KATNIP: variants seen among roughly 807,000 people sequenced by gnomAD.
The protein encoded by KATNIP is katanin interacting protein, also known as katanin-interacting protein.
Under a neutral mutation model 174.0 loss-of-function variants are expected in KATNIP, and 126 were observed. The ratio of observed to expected loss-of-function variants is 0.72; its 90% CI spans 0.63 to 0.84. The LOEUF (loss-of-function observed/expected upper bound fraction) is 0.84. Among genes scored for constraint, KATNIP ranks in the 40% least tolerant of loss-of-function variants. The probability of loss-of-function intolerance (pLI) is 0.00; values close to 1 mark genes in which losing one functional copy is unlikely to be tolerated. For synonymous variants in KATNIP, 810 were observed against 835.7 expected (o/e 0.97, Z 0.53); for missense variants, 1,958 against 2,109.7 (o/e 0.93, Z 1.41).
At chr16:27,707,168 G>A (rs1360721712) in intron 12 of KATNIP, among the ~76,000 whole-genome samples, 1 of 152,144 alleles carries the variant, frequency 6.6e-6, no homozygotes, top group Non-Finnish European at 1.5e-5. Flanking sequence ...AAATAAGTGG[G>A]GAACAGTTGC....
intron 16 of KATNIP, among the ~76,000 whole-genome samples, chr16:27,750,687 C>T (rs2081478041): frequency 1.3e-5 from 2 of 149,762 alleles, no homozygotes; most frequent in African/African-American, 4.9e-5. Context: ...CCGTCTCGGC[C>T]TCCCAAAGTG....
intron 18 of KATNIP, among the ~76,000 whole-genome samples, chr16:27,758,330 A>G (rs2081814058): frequency 1.3e-5 from 2 of 152,108 alleles, no homozygotes; most frequent in Non-Finnish European, 1.5e-5. Context: ...TATCCAGACC[A>G]TTGAGAATCC....
chr16:27,734,119 T>C (rs140829406), intron 14 of KATNIP, among the ~76,000 whole-genome samples: 19 of 151,810 alleles, frequency 1.3e-4, no homozygotes, highest in African/African-American at 4.3e-4. Context: ...GTTTCCCTCT[T>C]TTGCCCAGGC....
At chr16:27,574,987 C>G (rs1017699068) in intron 2 of KATNIP, among the ~76,000 whole-genome samples, 1 of 152,222 alleles carries the variant, frequency 6.6e-6, no homozygotes, top group Admixed American at 6.5e-5. Flanking sequence ...CTCCCCGCCT[C>G]TGAGCCCACC....
At chr16:27,713,810 A>ACATATATGTGTGTGTGTGTGTGTGTGTG (rs1567336792) in intron 13 of KATNIP, among the ~76,000 whole-genome samples, 1 of 5,690 alleles carries the variant, frequency 1.8e-4, no homozygotes, top group African/African-American at 5.1e-4. Context: ...GTGTATATAC[A>ACATATATGTGTGTGTGTGTGTGTGTGTG]TATATATATA....
At chr16:27,628,624 AATG>A in intron 3 of KATNIP, 34 bp from the exon 4 acceptor site, 2 of 1,608,208 alleles carry the variant, frequency 1.2e-6, no homozygotes, top group Non-Finnish European at 1.7e-6. Flanking sequence ...CAGACTCTCA[AATG>A]ATGAGGAGGA....
At chr16:27,702,935 G>A (rs1217471741) in intron 11 of KATNIP, among the ~76,000 whole-genome samples, 1 of 152,210 alleles carries the variant, frequency 6.6e-6, no homozygotes, top group Non-Finnish European at 1.5e-5. Flanking sequence ...CGGAGGCCCA[G>A]GTGGGCAAAT....
chr16:27,589,879 G>A (rs1261789350), intron 2 of KATNIP, among the ~76,000 whole-genome samples: 3 of 151,914 alleles, frequency 2.0e-5, no homozygotes, highest in African/African-American at 7.3e-5. Flanking sequence ...TGCAACCTTT[G>A]CCTCCCTCCT....
intron 8 of KATNIP, among the ~76,000 whole-genome samples, chr16:27,690,026 G>A (rs1289247634): frequency 6.6e-6 from 1 of 152,148 alleles, no homozygotes; most frequent in Non-Finnish European, 1.5e-5. Flanking sequence ...GGCAGGGCCG[G>A]CTGCAGTGCC....
chr16:27,749,820 G>C lies in KATNIP; in HGVS notation c.2860G>C (p.Asp954His), dbSNP rs1177583262. ...GCAGCCAGGGCTGTCGAGAGGGCAG[G>C]ATGGCTACTCTGGAGAGACAGACGC... ...GEQPGLSRGQ[D>H]GYSGETDAGG... The change falls in exon 16 of 28, where the codon GAT becomes CAT. Residue 954 changes from aspartate (D) to histidine (H), a missense_variant. Physicochemically the swap from Asp to His is moderately conservative, Grantham distance 81. Transcript: ENST00000261588. 4 of 1,613,694 alleles carry C rather than the reference G, an allele frequency of 2.5e-6. No individual in the cohort carries two copies. The South Asian group carries it at 3.3e-5, about 13-fold the overall frequency.
At chr16:27,684,119 G>A (rs2078440748) in intron 8 of KATNIP, among the ~76,000 whole-genome samples, 1 of 152,130 alleles carries the variant, frequency 6.6e-6, no homozygotes, top group African/African-American at 2.4e-5. Flanking sequence ...ACAAAGCACT[G>A]AACTAGCTCC....
intron 18 of KATNIP, among the ~76,000 whole-genome samples, chr16:27,759,076 C>A (rs2081848218): frequency 6.6e-6 from 1 of 152,184 alleles, no homozygotes; most frequent in Non-Finnish European, 1.5e-5. Context: ...TACTGAAGCC[C>A]TACTTGTTAA....
intron 6 of KATNIP, among the ~76,000 whole-genome samples, chr16:27,657,208 G>C (rs2077325546): frequency 1.3e-5 from 2 of 152,112 alleles, no homozygotes; most frequent in Admixed American, 1.3e-4. Context: ...TCAGGATCAA[G>C]AATATGTGTG....
chr16:27,703,576 T>G (rs2079184287), intron 11 of KATNIP, among the ~76,000 whole-genome samples: 1 of 152,222 alleles, frequency 6.6e-6, no homozygotes, highest in Non-Finnish European at 1.5e-5. Context: ...CAAAAACAGG[T>G]CACGGGCTGG....
rs537188078 is a variant in KATNIP, at chr16:27,627,603, G to A, written c.141-1058G>A. Reference sequence around the variant, plus strand: ...CCAAATTCTCTAATTCAGAATTCACGGTGACTTTCTAGACCGCTCGTACTG... The same window carrying A: ...CCAAATTCTCTAATTCAGAATTCACAGTGACTTTCTAGACCGCTCGTACTG... On this transcript the variant is annotated intron_variant, in intron 3 of 27. Transcript: ENST00000261588. Among the ~76,000 whole-genome samples the A allele has an allele frequency of 5.9e-5, 9 of 152,330 alleles. No individual in the cohort carries two copies. In the East Asian group the frequency reaches 9.6e-4, roughly 16 times the overall value.
chr16:27,744,033 C>T (rs2081197497), intron 15 of KATNIP, among the ~76,000 whole-genome samples: 1 of 152,174 alleles, frequency 6.6e-6, no homozygotes, highest in African/African-American at 2.4e-5. Context: ...AAGAACCAAG[C>T]CCCTGAGATT....
At chr16:27,563,706 A>G (rs1034830812) in intron 1 of KATNIP, among the ~76,000 whole-genome samples, 2 of 151,994 alleles carry the variant, frequency 1.3e-5, no homozygotes, top group South Asian at 2.1e-4. Flanking sequence ...TATGGCTGCC[A>G]TAGGAAAATC....
At chr16:27,771,872 C>A (rs1486439537) in intron 22 of KATNIP, among the ~76,000 whole-genome samples, 2 of 152,160 alleles carry the variant, frequency 1.3e-5, no homozygotes, top group African/African-American at 4.8e-5. Context: ...CTGGAGGGGG[C>A]AGCACCCAGG....
chr16:27,730,959 G>GCTTC (rs1399862595), intron 14 of KATNIP, among the ~76,000 whole-genome samples: 1 of 152,176 alleles, frequency 6.6e-6, no homozygotes, highest in African/African-American at 2.4e-5. Context: ...AATGCTCCCT[G>GCTTC]CTTCCTCTGG....
Sources: allele counts gnomAD v4.1 joint callset (sites outside exome capture counted in the v4.1 genomes callset), GRCh38; gene constraint gnomAD v4.1.1; transcripts MANE v1.5; gene names NCBI Gene and HGNC (gene_info 2026-07-23, HGNC 2026-07-21).